GLI2: variants seen among roughly 807,000 people sequenced by gnomAD.
The protein encoded by GLI2 is transcription activator GLI2.
GLI2 carries 22 observed loss-of-function variants against 78.9 expected under a neutral mutation model. The observed-to-expected ratio is 0.28, with a 90% CI of 0.20 to 0.40. The LOEUF is 0.40. Ranked by LOEUF, GLI2 falls within the 10% of genes least tolerant of loss-of-function variation. The pLI is 1.00. For synonymous variants in GLI2, 974 were observed against 963.7 expected, an observed-to-expected ratio of 1.01 and a Z score of -0.20; for missense variants, 2,097 against 2,213.2, an observed-to-expected ratio of 0.95 and a Z score of 1.05.
intron 6 of GLI2, 133 bp from the exon 7 acceptor site, chr2:120,970,260 A>G (rs1682073895): frequency 3.1e-6 from 2 of 641,192 alleles, no homozygotes; most frequent in Non-Finnish European, 2.9e-6. Context: ...TGAGTGAGGA[A>G]GCCACGGTGA....
At chr2:120,848,715 G>T (rs1687243200) in intron 2 of GLI2, among the ~76,000 whole-genome samples, 1 of 152,198 alleles carries the variant, frequency 6.6e-6, no homozygotes, top group African/African-American at 2.4e-5. Context: ...CACCCACACT[G>T]GGGTGTGGGG....
chr2:120,965,605 C>T (rs1402806085), intron 5 of GLI2, among the ~76,000 whole-genome samples: 1 of 142,048 alleles, frequency 7.0e-6, no homozygotes, highest in African/African-American at 2.7e-5. Context: ...GCAGATGCTG[C>T]GGCAGAAGGG....
At chr2:120,748,604 A>G (rs1682764736) in intron 1 of GLI2, among the ~76,000 whole-genome samples, 1 of 152,168 alleles carries the variant, frequency 6.6e-6, no homozygotes, top group African/African-American at 2.4e-5. Flanking sequence ...TCCATGGTTT[A>G]GCTTCAGGTC....
intron 1 of GLI2, among the ~76,000 whole-genome samples, chr2:120,777,610 G>A (rs1160076734): frequency 1.3e-5 from 2 of 151,834 alleles, no homozygotes; most frequent in African/African-American, 4.8e-5. Context: ...TTGTTTGGAG[G>A]GACAGTGATG....
intron 1 of GLI2, among the ~76,000 whole-genome samples, chr2:120,773,927 T>TCCC (rs1683598889): frequency 1.8e-5 from 2 of 109,768 alleles, no homozygotes; most frequent in African/African-American, 3.7e-5. Flanking sequence ...CCTTCCTTCC[T>TCCC]TCCTTCCCTC....
intron 2 of GLI2, among the ~76,000 whole-genome samples, chr2:120,799,013 C>A (rs572698704): frequency 9.8e-5 from 15 of 152,352 alleles, no homozygotes; most frequent in African/African-American, 3.6e-4. Flanking sequence ...GGATCATGAA[C>A]CACCATGGTG....
At chr2:120,741,147 T>C (rs986665815) in intron 1 of GLI2, among the ~76,000 whole-genome samples, 1 of 152,188 alleles carries the variant, frequency 6.6e-6, no homozygotes, top group African/African-American at 2.4e-5. Flanking sequence ...GGGCCTTCCC[T>C]GGGACACAGT....
intron 1 of GLI2, among the ~76,000 whole-genome samples, chr2:120,776,739 G>A (rs567301057): frequency 6.6e-6 from 1 of 152,364 alleles, no homozygotes; most frequent in African/African-American, 2.4e-5. Context: ...GGGCTGTGGA[G>A]GCCTGGGGCT....
chr2:120,797,516 TAGCCCG>T (rs757418204), intron 2 of GLI2, 48 bp downstream of exon 2: 261 of 1,566,808 alleles, frequency 1.7e-4, no homozygotes, highest in Admixed American at 9.5e-4. Flanking sequence ...TGTTTTTCAT[TAGCCCG>T]TTAGGATTTA....
intron 2 of GLI2, among the ~76,000 whole-genome samples, chr2:120,818,975 A>G: frequency 2.0e-5 from 1 of 49,210 alleles, no homozygotes; most frequent in South Asian, 8.3e-4. Flanking sequence ...TGGGAAACAT[A>G]TCATTTTGTT....
intron 2 of GLI2, among the ~76,000 whole-genome samples, chr2:120,815,497 C>T (rs974049818): frequency 2.0e-5 from 3 of 152,194 alleles, no homozygotes; most frequent in African/African-American, 4.8e-5. Flanking sequence ...ACTGTGCTGC[C>T]GTGTGTGTGG....
chr2:120,906,412 A>G (rs148550095), intron 2 of GLI2, among the ~76,000 whole-genome samples: 1 of 152,228 alleles, frequency 6.6e-6, no homozygotes, highest in Non-Finnish European at 1.5e-5. Flanking sequence ...CAGGGTCCAG[A>G]TTCAGCTGGC....
chr2:120,952,917 G>A (rs774304427), intron 4 of GLI2, among the ~76,000 whole-genome samples: 5 of 152,238 alleles, frequency 3.3e-5, no homozygotes, highest in African/African-American at 4.8e-5. Flanking sequence ...TCCAGAGTCT[G>A]CCTGGCTCAC....
At chr2:120,791,943 A>C (rs1292111076) in intron 1 of GLI2, among the ~76,000 whole-genome samples, 1 of 152,090 alleles carries the variant, frequency 6.6e-6, no homozygotes, top group Non-Finnish European at 1.5e-5. Context: ...GTGTGTGTGC[A>C]TCCATGTGTG....
rs144819008 is a variant in GLI2 at position 120,972,054 on chromosome 2, G to A, written c.1173G>A (p.Ala391=). 4.0e-5 allele frequency: 65 copies of A among 1,613,148 alleles called. No homozygotes were observed. The highest frequency in any genetic ancestry group is 2.2e-4 in the East Asian group (10 of 44,882). ...PEGLRPASPL[A]LTQEQLADLK... Reference sequence around the variant, plus strand: ...GCCTGCGGCCGGCCTCCCCTCTGGCGCTGACGCAGGTAACCTGCTGCCAGC... The same window carrying A: ...GCCTGCGGCCGGCCTCCCCTCTGGCACTGACGCAGGTAACCTGCTGCCAGC... Residue 391 remains alanine, a synonymous_variant, in exon 8 of 14, where the codon GCG becomes GCA. Transcript: ENST00000361492.
At chr2:120,780,817 G>A (rs574835025) in intron 1 of GLI2, among the ~76,000 whole-genome samples, 2 of 152,340 alleles carry the variant, frequency 1.3e-5, no homozygotes, top group East Asian at 3.9e-4. Context: ...CTCTCCCAGC[G>A]ATGTCCTGTG....
chr2:120,975,639 G>A (rs1188617169), intron 9 of GLI2, among the ~76,000 whole-genome samples: 1 of 152,168 alleles, frequency 6.6e-6, no homozygotes, highest in Admixed American at 6.5e-5. Flanking sequence ...AGAGGAGGTT[G>A]CTTAACAGTG....
intron 9 of GLI2, among the ~76,000 whole-genome samples, chr2:120,976,956 G>A (rs1001239275): frequency 6.6e-6 from 1 of 152,242 alleles, no homozygotes; most frequent in African/African-American, 2.4e-5. Context: ...GAAAGCCATT[G>A]TCAGGAAGCA....
At chr2:120,742,359 A>G (rs1002851783) in intron 1 of GLI2, among the ~76,000 whole-genome samples, 1 of 152,146 alleles carries the variant, frequency 6.6e-6, no homozygotes, top group Non-Finnish European at 1.5e-5. Context: ...ACGCTTAGCA[A>G]TGCTTCTTTG....
Sources: allele counts gnomAD v4.1 joint callset (sites outside exome capture counted in the v4.1 genomes callset), GRCh38; gene constraint gnomAD v4.1.1; transcripts MANE v1.5; gene names NCBI Gene and HGNC (gene_info 2026-07-23, HGNC 2026-07-21).